Variants in HMGCS1 observed in about 807,000 individuals in gnomAD.
The protein encoded by HMGCS1 is 3-hydroxy-3-methylglutaryl-CoA synthase 1, also known as hydroxymethylglutaryl-CoA synthase, cytoplasmic.
HMGCS1 carries 9 observed loss-of-function variants against 52.3 expected under a neutral mutation model. The ratio of observed to expected loss-of-function variants is 0.17; its 90% confidence interval spans 0.10 to 0.30. The LOEUF is 0.30. HMGCS1 is among the 10% of genes least tolerant of loss of function. HMGCS1 has a pLI of 1.00. For missense variants in HMGCS1, 320 were observed against 620.9 expected (o/e 0.52, Z 5.15); for synonymous variants, 176 against 214.4 (o/e 0.82, Z 1.57).
intron 7 of HMGCS1, 24 bp downstream of exon 7, chr5:43,294,667 G>A: frequency 1.3e-6 from 2 of 1,530,034 alleles, no homozygotes; most frequent in Non-Finnish European, 1.8e-6. Flanking sequence ...GGGGAGTTAA[G>A]TAGTAGGTGA....
chr5:43,298,089 G>A lies in HMGCS1; in HGVS notation c.494C>T (p.Thr165Ile), dbSNP rs1172503385. ...VVAGDIAVYA[T>I]GNARPTGGVG... ...TCCACCTGTAGGTCTAGCATTTCCT[G>A]TGGCATATACAGCAATATCTCCTGC... Residue 165 changes from threonine to isoleucine, a missense_variant, in exon 4 of 11, where the codon ACA becomes ATA. Coordinates refer to ENST00000325110, the MANE Select transcript of HMGCS1 (RefSeq NM_001098272.3). This position sits in a 1 kb window ranked among gnomAD's most constrained non-coding sequence, Gnocchi z 5.6. The A allele has an allele frequency of 6.2e-7, 1 of 1,613,318 alleles. No homozygotes were observed. The highest frequency in any genetic ancestry group is 8.5e-7 in the Non-Finnish European group (1 of 1,179,404).
chr5:43,290,979 C>G lies in HMGCS1; in HGVS notation c.*152G>C. On this transcript the variant is annotated 3_prime_UTR_variant, in exon 11 of 11. Coordinates refer to ENST00000325110, the MANE Select transcript of HMGCS1 (RefSeq NM_001098272.3). ...GAGCAAAGAGACTTTCCCAAGTACA[C>G]GATAGTCATCCAGGCTCCATGTCAG... 2 of 589,408 alleles carry G rather than the reference C, an allele frequency of 3.4e-6. No homozygotes were observed. The highest frequency in any genetic ancestry group is 2.8e-5 in the Admixed American group (1 of 36,350). 36.5% of individuals were successfully genotyped at this position (589,408 alleles called of 1,614,324 possible).
At chr5:43,312,469 C>G (rs1333283447) in intron 1 of HMGCS1, among the ~76,000 whole-genome samples, 1 of 152,192 alleles carries the variant, frequency 6.6e-6, no homozygotes, top group Admixed American at 6.5e-5. Flanking sequence ...CAGAGTGGAT[C>G]AGAATAATCG....
In HMGCS1 at chr5:43,298,582, T is replaced by C. The variant is rs1489303816; in HGVS notation, c.384A>G (p.Ala128=). 6.8e-6 allele frequency: 11 copies of C among 1,614,104 alleles called. No homozygotes were observed. The highest frequency in any genetic ancestry group is 3.3e-5 in the South Asian group (3 of 91,094). The change falls in exon 3 of 11, where the codon GCA becomes GCG. Residue 128 remains alanine, a synonymous_variant. Transcript: ENST00000325110. The surrounding 1 kb of genome is among the most constrained non-coding windows in gnomAD (Gnocchi z 5.6). ...TDIEGIDTTN[A]CYGGTAAVFN... ...AGACAGCAGCTGTGCCTCCATAGCA[T>C]GCATTAGTTGTGTCGATTCCTTCTA...
intron 2 of HMGCS1, among the ~76,000 whole-genome samples, chr5:43,299,257 CAAAT>C (rs1754186917): frequency 6.6e-6 from 1 of 152,076 alleles, no homozygotes; most frequent in Non-Finnish European, 1.5e-5. Flanking sequence ...AAACAACACT[CAAAT>C]AAGATTTTCT....
Position 43,294,620 on chromosome 5 carries a change from T to C in HMGCS1, c.1076+71A>G, listed in dbSNP as rs183459610. 5.2e-6 allele frequency: 6 copies of C among 1,156,108 alleles called. No individual in the cohort carries two copies. The Admixed American group carries it at 1.2e-4, about 23-fold the overall frequency. 71.6% of individuals were successfully genotyped at this position (1,156,108 alleles called of 1,614,324 possible). On this transcript the variant is annotated intron_variant, in intron 7 of 10. Coordinates refer to ENST00000325110, the MANE Select transcript of HMGCS1 (RefSeq NM_001098272.3). ...GATCTACCACCAACATGCTTGACAC[T>C]AGATTTGGTCTTAGAAATCTAACAT... is the stretch of plus-strand genomic sequence containing the variant.
intron 1 of HMGCS1, among the ~76,000 whole-genome samples, chr5:43,312,441 T>C (rs975356380): frequency 5.3e-5 from 8 of 152,190 alleles, no homozygotes; most frequent in African/African-American, 1.9e-4. Context: ...ACATTATTTG[T>C]TCCCCAAATC....
rs1753610523 is a variant in HMGCS1, at chr5:43,288,872, A to T, written c.*2259T>A. ...AGACTTGATGGTGCTCTTAGGGATC[A>T]TCTAATCCAAAATTACTGCCAATGC... On this transcript the variant is annotated 3_prime_UTR_variant, in exon 11 of 11. Transcript: ENST00000325110. 6.6e-6 allele frequency: 1 copy of T among 152,188 alleles called. No individual in the cohort carries two copies. Among genetic ancestry groups the T allele is most frequent in the African/African-American group, 2.4e-5 (1 of 41,456 alleles). The allele number at this position is 152,188 out of a possible 1,614,324, so 9.4% of individuals were successfully genotyped here. A position where few individuals can be genotyped will look rare whatever the true frequency, so the allele number is the denominator to read the frequency against.
intron 2 of HMGCS1, among the ~76,000 whole-genome samples, chr5:43,305,835 A>G (rs1243556000): frequency 6.6e-6 from 1 of 151,818 alleles, no homozygotes; most frequent in Non-Finnish European, 1.5e-5. Flanking sequence ...AAATCACAAA[A>G]ACTTTCAAGT....
chr5:43,297,224 T>C lies in HMGCS1; in HGVS notation c.575-58A>G, dbSNP rs1754075814. On this transcript the variant is annotated intron_variant, in intron 4 of 10. Transcript: ENST00000325110. ...TTTCTGCTTCTTGATGTCTGTATGT[T>C]AATAAGTATACTGCATTATCTAAGG... The C allele has an allele frequency of 2.7e-5, 37 of 1,384,846 alleles. No homozygotes were observed. The South Asian group carries it at 4.3e-4, about 16-fold the overall frequency. 85.8% of individuals were successfully genotyped at this position (1,384,846 alleles called of 1,614,324 possible).
At chr5:43,292,682 A>G (rs1753838049) in intron 9 of HMGCS1, 45 bp from the exon 10 acceptor site, 1 of 1,556,234 alleles carries the variant, frequency 6.4e-7, no homozygotes, top group Non-Finnish European at 8.8e-7. Context: ...ATGATATACA[A>G]TTCATCTGGT....
chr5:43,301,132 G>T (rs1754296556), intron 2 of HMGCS1, among the ~76,000 whole-genome samples: 1 of 152,212 alleles, frequency 6.6e-6, no homozygotes, highest in Admixed American at 6.5e-5. Flanking sequence ...CCAGGAATGG[G>T]TAGGAGTAAG....
intron 2 of HMGCS1, among the ~76,000 whole-genome samples, chr5:43,299,426 G>C (rs1754196739): frequency 6.6e-6 from 1 of 151,650 alleles, no homozygotes. Flanking sequence ...GAGGCAGGCG[G>C]ATCACAAGGT....
chr5:43,311,144 G>A (rs1346206342), intron 1 of HMGCS1, among the ~76,000 whole-genome samples: 1 of 152,072 alleles, frequency 6.6e-6, no homozygotes, highest in Non-Finnish European at 1.5e-5. Context: ...GACCAACATG[G>A]TGACACCCCA....
At chr5:43,301,013 A>G (rs1408292160) in intron 2 of HMGCS1, among the ~76,000 whole-genome samples, 1 of 152,178 alleles carries the variant, frequency 6.6e-6, no homozygotes, top group Non-Finnish European at 1.5e-5. Flanking sequence ...ATAAACAGGT[A>G]ACAACATTGA....
At chr5:43,309,046 C>A (rs1417657108) in intron 1 of HMGCS1, among the ~76,000 whole-genome samples, 1 of 151,888 alleles carries the variant, frequency 6.6e-6, no homozygotes, top group Admixed American at 6.6e-5. Flanking sequence ...CCTTTGTCTT[C>A]TGCAAATTAA....
rs13154319 is a variant in HMGCS1, at chr5:43,312,102, A to G, written c.-70+1254T>C. Among the ~76,000 whole-genome samples, 1,095 of 152,348 alleles carry G rather than the reference A, an allele frequency of 7.2e-3. 7 individuals are homozygous for G. Among genetic ancestry groups the G allele is most frequent in the Middle Eastern group, 0.034 (10 of 292 alleles). Reference sequence around the variant, plus strand: ...CAAGTGCAAAGAACTACTGACACGGATAATGTTAACGACTTTCAACTGCCT... The same window carrying G: ...CAAGTGCAAAGAACTACTGACACGGGTAATGTTAACGACTTTCAACTGCCT... On this transcript the variant is annotated intron_variant, in intron 1 of 10. Transcript: ENST00000325110.
At position 43,294,843 on chromosome 5, in the gene HMGCS1, G is replaced by A. The variant is rs1212289612; in HGVS notation, c.924C>T (p.Asp308=). 3.0e-5 allele frequency: 48 copies of A among 1,605,548 alleles called. No homozygotes were observed. In the East Asian group the frequency reaches 1.0e-3, roughly 34 times the overall value. The change falls in exon 7 of 11, where the codon GAC becomes GAT. Residue 308 remains aspartate, a synonymous_variant. Transcript: ENST00000325110. ...LEAFGDVKLE[D]TYFDRDVEKA... is the part of the protein sequence containing the mutation. ...TCTCCACATCTCTATCAAAGTAGGT[G>A]TCTTCTAATTTAACATCCCTGAAAG...
chr5:43,298,072 T>C lies in HMGCS1; in HGVS notation c.511A>G (p.Thr171Ala). The change falls in exon 4 of 11, where the codon ACA becomes GCA. Residue 171 changes from threonine to alanine, a missense_variant. By Grantham distance (58) the Thr-to-Ala change is moderately conservative (BLOSUM62 0). This residue lies in a region of HMGCS1 where 85 missense variants were observed against 260.0 expected (regional missense o/e 0.33). Transcript: ENST00000325110. The surrounding 1 kb of genome is among the most constrained non-coding windows in gnomAD (Gnocchi z 5.6). ...AVYATGNARP[T>A]GGVGAVALLI... is the part of the protein sequence containing the mutation. ...AGAGCTACTGCTCCAACTCCACCTG[T>C]AGGTCTAGCATTTCCTGTGGCATAT... 6.2e-7 allele frequency: 1 copy of C among 1,613,540 alleles called. No individual in the cohort carries two copies. The highest frequency in any genetic ancestry group is 8.5e-7 in the Non-Finnish European group (1 of 1,179,486).
Sources: allele counts gnomAD v4.1 joint callset (sites outside exome capture counted in the v4.1 genomes callset), GRCh38; gene constraint gnomAD v4.1.1; regional missense constraint gnomAD v4.1.1; non-coding constraint Gnocchi (gnomAD v3.1); transcripts MANE v1.5; gene names NCBI Gene and HGNC (gene_info 2026-07-23, HGNC 2026-07-21).